The following VEZT variants were observed in gnomAD, a reference collection of about 807,000 sequenced individuals.
VEZT encodes vezatin.
A neutral mutation model predicts 79.9 loss-of-function variants in VEZT; 39 were observed. That is an observed-to-expected ratio of 0.49 (90% CI 0.38 to 0.64). VEZT has a LOEUF of 0.64. Ranked by LOEUF, VEZT falls within the 30% of genes least tolerant of loss-of-function variation. The probability of loss-of-function intolerance (pLI) is 0.00; values close to 1 mark genes in which losing one functional copy is unlikely to be tolerated. For missense variants in VEZT, 837 were observed against 893.1 expected (o/e 0.94, Z 0.80); for synonymous variants, 325 against 327.6 (o/e 0.99, Z 0.09).
chr12:95,300,085 C>A lies in VEZT; in HGVS notation c.1832-80C>A, dbSNP rs946739356. The A allele has an allele frequency of 1.6e-5, 12 of 755,846 alleles. No individual in the cohort carries two copies. The African/African-American group carries it at 2.2e-4, about 14-fold the overall frequency. The allele number at this position is 755,846 out of a possible 1,614,324, so 46.8% of individuals were successfully genotyped here. On this transcript the variant is annotated intron_variant, in intron 11 of 11. Coordinates refer to ENST00000436874, the MANE Select transcript of VEZT (RefSeq NM_017599.4). ...TTTATTGTTCTTTTTAAGAAAAAAA[C>A]TGAGAGTTTGAATTAAAAGTTTAAA... is the stretch of plus-strand genomic sequence containing the variant.
intron 3 of VEZT, among the ~76,000 whole-genome samples, chr12:95,258,002 T>C (rs2063735527): frequency 2.0e-5 from 3 of 152,208 alleles, no homozygotes; most frequent in Admixed American, 6.5e-5. Context: ...TCTAAAAATG[T>C]TCAGCTAGAA....
At chr12:95,268,678 A>G (rs2066016789) in intron 5 of VEZT, among the ~76,000 whole-genome samples, 1 of 152,198 alleles carries the variant, frequency 6.6e-6, no homozygotes, top group South Asian at 2.1e-4. Flanking sequence ...CCAGTTAGAC[A>G]TGATTTACCT....
chr12:95,295,929 G>A, intron 10 of VEZT, 122 bp from the exon 11 acceptor site: 1 of 709,742 alleles, frequency 1.4e-6, no homozygotes, highest in South Asian at 2.2e-5. Context: ...CTGCTTTAAT[G>A]ACCTGTGCCA....
intron 3 of VEZT, among the ~76,000 whole-genome samples, chr12:95,261,489 G>T (rs898422276): frequency 6.6e-6 from 1 of 152,058 alleles, no homozygotes; most frequent in Non-Finnish European, 1.5e-5. Context: ...TCGGCTCACT[G>T]CAACCTCCGC....
Position 95,282,386 on chromosome 12 carries a change from A to G in VEZT, c.1070A>G (p.Asn357Ser), listed in dbSNP as rs56097338. The G allele has an allele frequency of 8.6e-4, 1,393 of 1,611,648 alleles. 11 individuals carry two copies. The African/African-American group carries it at 0.011, about 12-fold the overall frequency. ...RRLALLLSTA[N>S]SPPGPLLTPA... ...TTAGCCCTATTACTTTCTACAGCCA[A>G]TTCACCTCCTGGGCCCTTACTTACT... Residue 357 changes from asparagine (N) to serine (S), a missense_variant, in exon 8 of 12, where the codon AAT (asparagine) becomes AGT (serine). Coordinates refer to ENST00000436874, the MANE Select transcript of VEZT (RefSeq NM_017599.4).
chr12:95,254,901 C>T (rs2063221700), intron 2 of VEZT, among the ~76,000 whole-genome samples: 1 of 152,084 alleles, frequency 6.6e-6, no homozygotes, highest in Non-Finnish European at 1.5e-5. Flanking sequence ...GATATTCTTA[C>T]TATGAATATT....
At chr12:95,291,606 A>G (rs1594169737) in intron 9 of VEZT, among the ~76,000 whole-genome samples, 1 of 152,222 alleles carries the variant, frequency 6.6e-6, no homozygotes, top group Non-Finnish European at 1.5e-5. Flanking sequence ...GTTCTAGGAA[A>G]AATGTATTTA....
At chr12:95,294,122 A>G (rs2073621873) in intron 9 of VEZT, 150 bp from the exon 10 acceptor site, 7 of 567,014 alleles carry the variant, frequency 1.2e-5, no homozygotes, top group Non-Finnish European at 2.2e-5. Flanking sequence ...CCTGGGCTCA[A>G]GCGATCCTCC....
intron 1 of VEZT, among the ~76,000 whole-genome samples, chr12:95,251,617 CTA>C (rs2062622858): frequency 6.6e-6 from 1 of 152,076 alleles, no homozygotes; most frequent in Admixed American, 6.5e-5. Context: ...CAATCTAAGA[CTA>C]TAAAATTTGG....
chr12:95,264,191 A>G (rs888561225), intron 4 of VEZT, among the ~76,000 whole-genome samples: 3 of 152,080 alleles, frequency 2.0e-5, no homozygotes, highest in Non-Finnish European at 4.4e-5. Flanking sequence ...GATCATGAAG[A>G]AGTAAAGCTT....
At position 95,254,308 on chromosome 12, in the gene VEZT, T is replaced by C. The variant is rs7980916; in HGVS notation, c.168+2237T>C. Among the ~76,000 whole-genome samples, 476 of 151,068 alleles carry C rather than the reference T, an allele frequency of 3.2e-3. 2 individuals carry two copies. The highest frequency in any genetic ancestry group is 9.9e-3 in the African/African-American group (407 of 41,220). On this transcript the variant is annotated intron_variant, in intron 2 of 11. Coordinates refer to ENST00000436874, the MANE Select transcript of VEZT (RefSeq NM_017599.4). Reference sequence around the variant, plus strand: ...CACATTTCTAAGACAAGTTTTTAACTGTAGGATCTATATTTTTCTAAAACG... The same window carrying C: ...CACATTTCTAAGACAAGTTTTTAACCGTAGGATCTATATTTTTCTAAAACG...
At chr12:95,238,001 T>G (rs953972194) in intron 1 of VEZT, among the ~76,000 whole-genome samples, 1 of 152,214 alleles carries the variant, frequency 6.6e-6, no homozygotes, top group Admixed American at 6.5e-5. Flanking sequence ...TAAGATGAAG[T>G]TAGCTTGAAG....
Position 95,266,540 on chromosome 12 carries a change from T to C in VEZT, c.618T>C (p.Asp206=), listed in dbSNP as rs2065573275. Residue 206 remains aspartate (D), a synonymous_variant, in exon 5 of 12, where the codon GAT becomes GAC. Coordinates refer to ENST00000436874, the MANE Select transcript of VEZT (RefSeq NM_017599.4). ...TLKKYSVHLE[D]MATNSRAFTN... is the part of the protein sequence containing the mutation. ...AAAAATACAGCGTTCATTTGGAAGA[T>C]ATGGCCACAAACAGCCGAGCTTTTA... is the stretch of plus-strand genomic sequence containing the variant. 3.7e-6 allele frequency: 6 copies of C among 1,613,976 alleles called. No homozygotes were observed. The highest frequency in any genetic ancestry group is 1.1e-5 in the South Asian group (1 of 91,078).
chr12:95,263,205 G>T, intron 4 of VEZT, 124 bp downstream of exon 4: 1 of 917,048 alleles, frequency 1.1e-6, no homozygotes, highest in South Asian at 3.4e-5. Flanking sequence ...TACAATTAAA[G>T]TAACAATATG....
chr12:95,298,760 T>C (rs1239689887), intron 11 of VEZT: 1 of 152,246 alleles, frequency 6.6e-6, no homozygotes, highest in Non-Finnish European at 1.5e-5. Flanking sequence ...CAACTTCTAA[T>C]ATATGTTGCT....
chr12:95,249,352 G>A (rs2062160937), intron 1 of VEZT, among the ~76,000 whole-genome samples: 1 of 151,976 alleles, frequency 6.6e-6, no homozygotes, highest in Non-Finnish European at 1.5e-5. Flanking sequence ...TGGCATTCTT[G>A]TTCTTTTGCC....
At chr12:95,228,896 C>T (rs573003306) in intron 1 of VEZT, among the ~76,000 whole-genome samples, 2 of 152,106 alleles carry the variant, frequency 1.3e-5, no homozygotes, top group South Asian at 2.1e-4. Context: ...CAACCTGCTT[C>T]GGGGCTGAGG....
intron 9 of VEZT, chr12:95,290,681 C>G (rs2072510317): frequency 6.6e-6 from 1 of 151,996 alleles, no homozygotes; most frequent in African/African-American, 2.4e-5. Context: ...CATTTAGAAA[C>G]CAAGATTAGG....
intron 2 of VEZT, among the ~76,000 whole-genome samples, chr12:95,253,130 A>G (rs989006329): frequency 6.6e-6 from 1 of 152,194 alleles, no homozygotes; most frequent in Non-Finnish European, 1.5e-5. Context: ...TGTCTAGTAT[A>G]TTTTAGTTTT....
Sources: gnomAD v4.1 joint callset for allele counts (sites outside exome capture counted in the v4.1 genomes callset) on GRCh38, gnomAD v4.1.1 for gene constraint, MANE v1.5 for transcripts, NCBI Gene and HGNC (gene_info 2026-07-23, HGNC 2026-07-21) for gene names.